Variants in SEPTIN10 observed in about 807,000 individuals in gnomAD.
SEPTIN10 encodes the protein septin 10.
Under a neutral mutation model 54.8 loss-of-function variants are expected in SEPTIN10, and 66 were observed. The ratio of observed to expected loss-of-function variants is 1.21; its 90% CI spans 0.99 to 1.48. The LOEUF (loss-of-function observed/expected upper bound fraction) is 1.48. Ranked by LOEUF, SEPTIN10 falls within the 40% of genes most tolerant of loss-of-function variation. The probability of loss-of-function intolerance (pLI) is 0.00; values close to 1 mark genes in which losing one functional copy is unlikely to be tolerated. For synonymous variants in SEPTIN10, 161 were observed against 181.0 expected, an observed-to-expected ratio of 0.89 and a Z score of 0.89; for missense variants, 620 against 545.6, an observed-to-expected ratio of 1.14 and a Z score of -1.36.
At chr2:109,572,719 C>A (rs1375402827) in intron 5 of SEPTIN10, among the ~76,000 whole-genome samples, 1 of 149,182 alleles carries the variant, frequency 6.7e-6, no homozygotes, top group Non-Finnish European at 1.5e-5. Flanking sequence ...TGGGTTCAAG[C>A]AATTCTCCTG....
intron 4 of SEPTIN10, among the ~76,000 whole-genome samples, chr2:109,579,048 T>C (rs1573627969): frequency 6.6e-6 from 1 of 152,076 alleles, no homozygotes; most frequent in East Asian, 1.9e-4. Context: ...GACTAATCAA[T>C]CAGAAAAAGA....
intron 3 of SEPTIN10, 120 bp downstream of exon 3, chr2:109,585,601 A>G: frequency 1.2e-6 from 1 of 813,154 alleles, no homozygotes; most frequent in Non-Finnish European, 2.0e-6. Flanking sequence ...ACAACTAAAG[A>G]GAATCCCTGG....
intron 1 of SEPTIN10, among the ~76,000 whole-genome samples, chr2:109,604,108 GC>G (rs1558897563): frequency 1.4e-5 from 2 of 146,882 alleles, no homozygotes; most frequent in African/African-American, 5.1e-5. Context: ...ATTGCAGTGA[GC>G]CGAGATCATG....
intron 1 of SEPTIN10, among the ~76,000 whole-genome samples, chr2:109,607,245 A>G (rs1277489286): frequency 6.6e-6 from 1 of 152,228 alleles, no homozygotes; most frequent in Non-Finnish European, 1.5e-5. Flanking sequence ...TACAGTCTCC[A>G]TAGAAACAAT....
chr2:109,613,900 G>A lies in SEPTIN10; in HGVS notation c.-73C>T, dbSNP rs1218453521. On this transcript the variant is annotated 5_prime_UTR_variant, in exon 1 of 11. Transcript: ENST00000397712. ...AGCGGCTGGTCCCGGCGACGGCGGC[G>A]GGAAGGCCGGAGGGCAGAAGCAACG... is the stretch of plus-strand genomic sequence containing the variant. 4 of 1,229,044 alleles carry A rather than the reference G, an allele frequency of 3.3e-6. No homozygotes were observed. The highest frequency in any genetic ancestry group is 8.1e-5 in the South Asian group (2 of 24,782). The allele number at this position is 1,229,044 out of a possible 1,614,324, so 76.1% of individuals were successfully genotyped here.
At chr2:109,590,424 CTT>C (rs200844981) in intron 2 of SEPTIN10, among the ~76,000 whole-genome samples, 4 of 146,592 alleles carry the variant, frequency 2.7e-5, no homozygotes, top group East Asian at 2.0e-4. Flanking sequence ...GAGGTAAATC[CTT>C]TTTTTTTTTC....
Position 109,579,433 on chromosome 2 carries a change from G to T in SEPTIN10, c.414-4666C>A, listed in dbSNP as rs118040294. On this transcript the variant is annotated intron_variant, in intron 4 of 10. Coordinates refer to ENST00000397712, the MANE Select transcript of SEPTIN10 (RefSeq NM_144710.5). ...AGTTTCGCTCTTGTTGACCAGGCTT[G>T]AGTGTAATGGCCCAATCTTGGCTCA... is the stretch of plus-strand genomic sequence containing the variant. Among the ~76,000 whole-genome samples, 1,423 of 147,896 alleles carry T rather than the reference G, an allele frequency of 9.6e-3. 62 individuals are homozygous for T. The East Asian group carries it at 0.13, about 13-fold the overall frequency.
intron 2 of SEPTIN10, among the ~76,000 whole-genome samples, chr2:109,591,144 A>AT (rs1374542865): frequency 6.6e-6 from 1 of 152,144 alleles, no homozygotes; most frequent in Non-Finnish European, 1.5e-5. Context: ...TTATCTTCAT[A>AT]TTTTTTTAAA....
At chr2:109,559,555 T>C (rs1483119995) in intron 8 of SEPTIN10, among the ~76,000 whole-genome samples, 2 of 152,228 alleles carry the variant, frequency 1.3e-5, no homozygotes, top group African/African-American at 4.8e-5. Flanking sequence ...CAAATGGATG[T>C]GATGGGCAAT....
chr2:109,578,495 C>A (rs1403144701), intron 4 of SEPTIN10, among the ~76,000 whole-genome samples: 2 of 151,758 alleles, frequency 1.3e-5, no homozygotes, highest in African/African-American at 2.4e-5. Context: ...CCAGGCATGG[C>A]AGGCTCATGC....
chr2:109,568,942 G>C (rs1687715630), intron 5 of SEPTIN10, among the ~76,000 whole-genome samples: 1 of 152,190 alleles, frequency 6.6e-6, no homozygotes, highest in African/African-American at 2.4e-5. Flanking sequence ...GAGGGCAAGA[G>C]ATTTGGGGTT....
intron 2 of SEPTIN10, among the ~76,000 whole-genome samples, chr2:109,590,201 TG>T (rs1385102536): frequency 6.6e-6 from 1 of 151,704 alleles, no homozygotes; most frequent in African/African-American, 2.4e-5. Flanking sequence ...ACTTACAGGT[TG>T]GGGTGAGAAG....
At chr2:109,594,067 T>C (rs762313003) in intron 1 of SEPTIN10, among the ~76,000 whole-genome samples, 2 of 152,180 alleles carry the variant, frequency 1.3e-5, no homozygotes, top group African/African-American at 2.4e-5. Flanking sequence ...CAGGTCTGAT[T>C]TGACTGCCAA....
At chr2:109,604,650 CG>C (rs1453534935) in intron 1 of SEPTIN10, among the ~76,000 whole-genome samples, 1 of 147,574 alleles carries the variant, frequency 6.8e-6, no homozygotes, top group African/African-American at 2.5e-5. Flanking sequence ...TGGCATGAAC[CG>C]GGGAGGCGGA....
intron 1 of SEPTIN10, chr2:109,605,335 T>C (rs1697687459): frequency 6.6e-6 from 1 of 152,200 alleles, no homozygotes; most frequent in Admixed American, 6.6e-5. Flanking sequence ...CCAGGCATGG[T>C]GGCAGGTGCC....
chr2:109,587,426 T>C (rs1692812002), intron 2 of SEPTIN10, among the ~76,000 whole-genome samples: 1 of 151,352 alleles, frequency 6.6e-6, no homozygotes, highest in Non-Finnish European at 1.5e-5. Context: ...AGGAGAAAAG[T>C]TAGAGAAAGA....
intron 9 of SEPTIN10, among the ~76,000 whole-genome samples, chr2:109,550,310 T>TA (rs1682577519): frequency 1.3e-5 from 2 of 150,608 alleles, no homozygotes; most frequent in Non-Finnish European, 3.0e-5. Flanking sequence ...AAAAAAAGTA[T>TA]CTTTTTTTTT....
At chr2:109,594,131 C>T (rs899042972) in intron 1 of SEPTIN10, among the ~76,000 whole-genome samples, 5 of 152,036 alleles carry the variant, frequency 3.3e-5, no homozygotes, top group Admixed American at 2.6e-4. Flanking sequence ...ATTCACTGTT[C>T]GCAACAGTAG....
intron 9 of SEPTIN10, among the ~76,000 whole-genome samples, chr2:109,552,318 C>G (rs1229822273): frequency 6.6e-6 from 1 of 152,172 alleles, no homozygotes; most frequent in African/African-American, 2.4e-5. Context: ...GAAAGTAAAG[C>G]TACTTCACAG....
Sources: gnomAD v4.1 joint callset for allele counts (sites outside exome capture counted in the v4.1 genomes callset) on GRCh38, gnomAD v4.1.1 for gene constraint, MANE v1.5 for transcripts, NCBI Gene and HGNC (gene_info 2026-07-23, HGNC 2026-07-21) for gene names.